The following ZNF7 variants were observed in gnomAD, a reference collection of about 807,000 sequenced individuals.
ZNF7 encodes the protein C2-H2 type zinc finger protein.
ZNF7 carries 10 observed loss-of-function variants against 12.0 expected under a neutral mutation model. That is an observed-to-expected ratio of 0.83 (90% CI 0.51 to 1.42). ZNF7 has a LOEUF of 1.42. ZNF7 is among the 40% of genes most tolerant of loss of function. ZNF7 has a pLI of 0.00. For missense variants in ZNF7, 854 were observed against 837.2 expected (o/e 1.02, Z -0.25); for synonymous variants, 334 against 295.0 (o/e 1.13, Z -1.35).
At chr8:144,845,773 C>T (rs1453825725), downstream of ZNF7, among the ~76,000 whole-genome samples, 3 of 152,208 alleles carry the variant, frequency 2.0e-5, no homozygotes, top group Admixed American at 6.5e-5. Context: ...TCTCCACAGC[C>T]ATGGAGTCAG....
chr8:144,841,624 G>A lies in ZNF7; in HGVS notation c.517G>A (p.Glu173Lys). 6.2e-7 allele frequency: 1 copy of A among 1,614,234 alleles called. No individual in the cohort carries two copies. The highest frequency in any genetic ancestry group is 8.5e-7 in the Non-Finnish European group (1 of 1,180,056). The change falls in exon 5 of 5, where the codon GAG (glutamate) becomes AAG (lysine). Residue 173 changes from glutamate (E) to lysine (K), a missense_variant. Physicochemically the swap from Glu to Lys is moderately conservative, Grantham distance 56. Coordinates refer to ENST00000532777, the MANE Select transcript of ZNF7 (RefSeq NM_003416.4). The stretch of plus-strand genomic sequence containing the variant: ...CAAGGACGCACCCCAGGGATGTAAG[G>A]AGCTGGGAAGCAGCGGCCTGGATTG... ...FTKDAPQGCK[E>K]LGSSGLDCQP...
rs779156102 is a variant in ZNF7, at chr8:144,842,683, G to A, written c.1576G>A (p.Glu526Lys). The A allele has an allele frequency of 9.9e-6, 16 of 1,613,962 alleles. No homozygotes were observed. Among genetic ancestry groups the A allele is most frequent in the Admixed American group, 5.0e-5 (3 of 59,988 alleles). Residue 526 changes from glutamate (E) to lysine (K), a missense_variant, in exon 5 of 5, where the codon GAA becomes AAA. By Grantham distance (56) the Glu-to-Lys change is moderately conservative. Coordinates refer to ENST00000532777, the MANE Select transcript of ZNF7 (RefSeq NM_003416.4). ...QRIHKGEKPY[E>K]CLQCGKAFSM... ...AATCCATAAAGGAGAGAAGCCCTAC[G>A]AATGCCTCCAATGCGGAAAAGCCTT...
In ZNF7 at chr8:144,829,563, G is replaced by C; in HGVS notation, c.89G>C (p.Arg30Thr). Residue 30 changes from arginine (R) to threonine (T), a missense_variant, in exon 3 of 5, where the codon AGG (arginine) becomes ACG (threonine). Transcript: ENST00000532777. ...GACCCTGGCCAGAGGGCCCTCTACAGGGAAGTGATGCTGGAGAACCACAGC... is the reference window on the plus strand; with the variant it reads ...GACCCTGGCCAGAGGGCCCTCTACACGGAAGTGATGCTGGAGAACCACAGC... ...CLDPGQRALYREVMLENHSSV... is the reference protein window; with the variant it reads ...CLDPGQRALYTEVMLENHSSV... 1 of 1,613,896 alleles carries C rather than the reference G, an allele frequency of 6.2e-7. No homozygotes were observed. Among genetic ancestry groups the C allele is most frequent in the Non-Finnish European group, 8.5e-7 (1 of 1,179,788 alleles).
intron 3 of ZNF7, chr8:144,836,264 C>G (rs1828980332): frequency 6.6e-6 from 1 of 152,160 alleles, no homozygotes; most frequent in South Asian, 2.1e-4. Context: ...GAGGATTGGC[C>G]TAGGCTATAG....
intron 3 of ZNF7, among the ~76,000 whole-genome samples, chr8:144,830,766 C>T (rs1402496566): frequency 6.7e-6 from 1 of 149,072 alleles, no homozygotes; most frequent in Non-Finnish European, 1.5e-5. Context: ...TGGAGTCTTG[C>T]CCTGTCACCC....
intron 3 of ZNF7, chr8:144,834,267 T>G (rs1828753541): frequency 6.6e-6 from 1 of 152,230 alleles, no homozygotes; most frequent in African/African-American, 2.4e-5. Context: ...GGCAACTTTG[T>G]GGAACTCCCT....
intron 3 of ZNF7, chr8:144,836,786 A>G (rs1346707857): frequency 6.5e-6 from 1 of 152,852 alleles, no homozygotes; most frequent in Non-Finnish European, 1.5e-5. Context: ...CAAAGAGGGT[A>G]TGGGGGCAGG....
intron 4 of ZNF7, among the ~76,000 whole-genome samples, chr8:144,839,563 G>C (rs557394344): frequency 7.6e-4 from 116 of 152,238 alleles, no homozygotes; most frequent in Admixed American, 2.2e-3. Context: ...TGTAGCAGGT[G>C]GTCCTCACTG....
At chr8:144,827,634 C>G (rs1031388091) in intron 1 of ZNF7, 25 bp downstream of exon 1, 3 of 985,538 alleles carry the variant, frequency 3.0e-6, no homozygotes, top group South Asian at 4.7e-5. Flanking sequence ...CGGGCGCGGA[C>G]TCGGGTTGCC....
At chr8:144,844,886 T>G (rs1830426092), downstream of ZNF7, among the ~76,000 whole-genome samples, 1 of 145,232 alleles carries the variant, frequency 6.9e-6, no homozygotes, top group African/African-American at 2.6e-5. Flanking sequence ...AGGAAGAAGG[T>G]GGAGAGGGAG....
chr8:144,838,051 G>A (rs983693784), intron 4 of ZNF7: 1 of 693,704 alleles, frequency 1.4e-6, no homozygotes. Flanking sequence ...AGCAAGCAGG[G>A]CCGTGCCCCC....
Position 144,841,739 on chromosome 8 carries a change from T to C in ZNF7, c.632T>C (p.Ile211Thr), listed in dbSNP as rs779730226. 3.1e-6 allele frequency: 5 copies of C among 1,614,130 alleles called. No individual in the cohort carries two copies. The highest frequency in any genetic ancestry group is 1.7e-5 in the Admixed American group (1 of 60,012). The change falls in exon 5 of 5, where the codon ATC becomes ACC. Residue 211 changes from isoleucine to threonine, a missense_variant. Ile to Thr is a moderately conservative substitution (Grantham distance 89). Transcript: ENST00000532777. ...CGKGIRATSD[I>T]ALHWEINTQK... ...AAAGGCATCAGAGCCACTTCAGATA[T>C]CGCTCTGCATTGGGAAATTAATACA...
At chr8:144,829,426 G>C in intron 2 of ZNF7, 52 bp from the exon 3 acceptor site, 8 of 1,610,842 alleles carry the variant, frequency 5.0e-6, no homozygotes, top group Non-Finnish European at 6.8e-6. Context: ...GGCAGCGCCA[G>C]AAGGGGGCTG....
Position 144,842,427 on chromosome 8 carries a change from TTA to T in ZNF7, c.1323_1324del (p.Tyr441Ter). Reference sequence around the variant, plus strand: ...AGCTGATTCACACTGGAGAGAAGCCTTATAAATGCAACAAGTGTACAAAAGCC... The same window carrying T: ...AGCTGATTCACACTGGAGAGAAGCCTTAAATGCAACAAGTGTACAAAAGCC... ...HQLIHTGEKP[Y>X]KCNKCTKAFG... is the part of the protein sequence containing the mutation. On this transcript the variant is annotated frameshift_variant, in exon 5 of 5. Transcript: ENST00000532777. LOFTEE classifies it low-confidence loss of function (END_TRUNC). 3.1e-6 allele frequency: 5 copies of T among 1,613,874 alleles called. No individual in the cohort carries two copies. Among genetic ancestry groups the T allele is most frequent in the Non-Finnish European group, 4.2e-6 (5 of 1,179,990 alleles).
downstream of ZNF7, among the ~76,000 whole-genome samples, chr8:144,844,404 GAC>G (rs1379019773): frequency 6.6e-6 from 1 of 151,588 alleles, no homozygotes; most frequent in East Asian, 1.9e-4. Flanking sequence ...AGGAAATAAA[GAC>G]AGTGGAGAAA....
chr8:144,838,321 C>T (rs535911796), intron 4 of ZNF7: 2 of 579,570 alleles, frequency 3.5e-6, no homozygotes, highest in African/African-American at 3.7e-5. Flanking sequence ...AACAAGGTCA[C>T]ATTCTGAGGT....
rs1296236822 is a variant in ZNF7, at chr8:144,843,459, G to A, written c.*291G>A. 3 of 241,210 alleles carry A rather than the reference G, an allele frequency of 1.2e-5. No homozygotes were observed. The East Asian group carries it at 2.7e-4, about 21-fold the overall frequency. The allele number at this position is 241,210 out of a possible 1,614,324, so 14.9% of individuals were successfully genotyped here. Reference sequence around the variant, plus strand: ...AAAATTTAGCTGGGCGTGGTGGCAGGCACCTGTGGTCCCAGCTGCTCGGGA... The same window carrying A: ...AAAATTTAGCTGGGCGTGGTGGCAGACACCTGTGGTCCCAGCTGCTCGGGA... On this transcript the variant is annotated 3_prime_UTR_variant, in exon 5 of 5. Coordinates refer to ENST00000532777, the MANE Select transcript of ZNF7 (RefSeq NM_003416.4).
intron 3 of ZNF7, chr8:144,836,640 T>G (rs1829029857): frequency 1.3e-5 from 2 of 152,322 alleles, no homozygotes; most frequent in Admixed American, 6.5e-5. Flanking sequence ...ATCTGGGGGT[T>G]TCAGCTTATT....
chr8:144,834,418 G>T (rs1365404887), intron 3 of ZNF7: 1 of 152,162 alleles, frequency 6.6e-6, no homozygotes, highest in African/African-American at 2.4e-5. Flanking sequence ...AAACAGGACC[G>T]TGTGGGCATG....
Sources: allele counts gnomAD v4.1 joint callset (sites outside exome capture counted in the v4.1 genomes callset), GRCh38; gene constraint gnomAD v4.1.1; transcripts MANE v1.5; gene names NCBI Gene and HGNC (gene_info 2026-07-23, HGNC 2026-07-21).